DNAH14: variants seen among roughly 807,000 people sequenced by gnomAD.
DNAH14 encodes dynein axonemal heavy chain 14.
Under a neutral mutation model 520.9 loss-of-function variants are expected in DNAH14, and 478 were observed. That is an observed-to-expected ratio of 0.92 (90% CI 0.85 to 0.99). The LOEUF (loss-of-function observed/expected upper bound fraction) is 0.99. Among genes scored for constraint, DNAH14 ranks in the 50% least tolerant of loss-of-function variants. DNAH14 has a pLI of 0.00. For synonymous variants in DNAH14, 1,581 were observed against 1,757.2 expected, an observed-to-expected ratio of 0.90 and a Z score of 2.51; for missense variants, 4,831 against 5,234.5, an observed-to-expected ratio of 0.92 and a Z score of 2.38.
At position 225,140,918 on chromosome 1, in the gene DNAH14, G is replaced by A. The variant is rs1313514665; in HGVS notation, c.4405G>A (p.Ala1469Thr). The change falls in exon 28 of 86, where the codon GCT (alanine) becomes ACT (threonine). Residue 1469 changes from alanine (A) to threonine (T), a missense_variant. Transcript: ENST00000682510. ...GGATACTAGTAACTCTCGAACAAAA[G>A]CTATACTAGGGGCATTGCTTATCCT... ...VLDTSNSRTK[A>T]ILGALLILYV... 2 of 1,551,256 alleles carry A rather than the reference G, an allele frequency of 1.3e-6. No homozygotes were observed. The highest frequency in any genetic ancestry group is 1.7e-6 in the Non-Finnish European group (2 of 1,146,910).
intron 10 of DNAH14, among the ~76,000 whole-genome samples, chr1:225,010,627 A>C (rs2064640311): frequency 6.6e-6 from 1 of 151,856 alleles, no homozygotes; most frequent in African/African-American, 2.4e-5. Context: ...GTTAGGGAGG[A>C]GTCTCTCCTT....
chr1:225,049,045 C>CTTTTTTTTT (rs1196968494), intron 15 of DNAH14, among the ~76,000 whole-genome samples: 1 of 87,118 alleles, frequency 1.1e-5, no homozygotes. Flanking sequence ...GATCTCTTGC[C>CTTTTTTTTT]TATTTTTTTT....
At chr1:225,140,727 A>T in intron 27 of DNAH14, 41 bp from the exon 28 acceptor site, 1 of 1,315,220 alleles carries the variant, frequency 7.6e-7, no homozygotes, top group Middle Eastern at 2.7e-4. Context: ...TTATATATAT[A>T]TAGAGAGAGA....
chr1:225,200,338 T>A (rs1416990680), intron 38 of DNAH14, among the ~76,000 whole-genome samples: 1 of 152,192 alleles, frequency 6.6e-6, no homozygotes, highest in Non-Finnish European at 1.5e-5. Context: ...AATGTTAGTA[T>A]TGAGTTATGA....
intron 64 of DNAH14, among the ~76,000 whole-genome samples, chr1:225,325,849 C>G (rs1226833625): frequency 6.6e-6 from 1 of 152,054 alleles, no homozygotes; most frequent in Non-Finnish European, 1.5e-5. Flanking sequence ...TAGCTGGCAA[C>G]TCTGGGCTAG....
chr1:225,148,599 AC>A (rs2080181557), intron 31 of DNAH14, among the ~76,000 whole-genome samples: 2 of 151,766 alleles, frequency 1.3e-5, no homozygotes, highest in Non-Finnish European at 2.9e-5. Flanking sequence ...ATGGGGTTTC[AC>A]CATGTTGGTC....
In DNAH14 at chr1:225,078,868, CT is replaced by C. The variant is rs1558884392; in HGVS notation, c.2425-338del. On this transcript the variant is annotated intron_variant, in intron 17 of 85. Coordinates refer to ENST00000682510, the MANE Select transcript of DNAH14 (RefSeq NM_001367479.1). ...CCTCTCTCTCTCTCTCCCTCTCTCT[CT>C]CTCTCTCTCTCTCTCTCTCTCTCTC... Among the ~76,000 whole-genome samples the C allele has an allele frequency of 9.5e-3, 565 of 59,312 alleles. 60 individuals carry two copies. The highest frequency in any genetic ancestry group is 0.014 in the Non-Finnish European group (445 of 32,020). 38.9% of individuals were successfully genotyped at this position (59,312 alleles called of 152,430 possible).
chr1:225,050,423 A>G, intron 16 of DNAH14, 47 bp downstream of exon 16: 1 of 1,479,882 alleles, frequency 6.8e-7, no homozygotes, highest in Non-Finnish European at 9.0e-7. Context: ...AGGAGCAGAA[A>G]CCCACTGAAT....
chr1:225,156,593 G>C (rs1182650534), intron 34 of DNAH14, among the ~76,000 whole-genome samples: 1 of 151,802 alleles, frequency 6.6e-6, no homozygotes, highest in African/African-American at 2.4e-5. Context: ...CTCAAAGGTA[G>C]ACACACTGTC....
At chr1:225,391,886 G>A (rs1453786292) in intron 83 of DNAH14, among the ~76,000 whole-genome samples, 1 of 152,126 alleles carries the variant, frequency 6.6e-6, no homozygotes, top group Non-Finnish European at 1.5e-5. Flanking sequence ...GTGTCCATAT[G>A]TCATTTCTTG....
At chr1:225,019,393 C>G (rs2065475073) in intron 10 of DNAH14, among the ~76,000 whole-genome samples, 1 of 152,082 alleles carries the variant, frequency 6.6e-6, no homozygotes, top group Admixed American at 6.5e-5. Context: ...ATATGCACAC[C>G]CAATATTGGA....
chr1:225,154,362 T>G (rs1025409226), intron 34 of DNAH14, among the ~76,000 whole-genome samples: 3 of 152,114 alleles, frequency 2.0e-5, no homozygotes, highest in Non-Finnish European at 4.4e-5. Flanking sequence ...TGCTTATTTT[T>G]GGGCAAGCTG....
At chr1:225,258,259 C>A in intron 45 of DNAH14, 141 bp downstream of exon 45, 1 of 831,268 alleles carries the variant, frequency 1.2e-6, no homozygotes, top group Non-Finnish European at 1.7e-6. Flanking sequence ...ATTTTCTTAC[C>A]AGCAGTTTAT....
chr1:225,196,118 C>T (rs1573909186), intron 38 of DNAH14, among the ~76,000 whole-genome samples: 1 of 152,126 alleles, frequency 6.6e-6, no homozygotes, highest in East Asian at 1.9e-4. Flanking sequence ...GAACCCATCA[C>T]CTGAGCAGTA....
At chr1:225,051,900 G>A (rs942342002) in intron 17 of DNAH14, 105 bp downstream of exon 17, 3 of 795,910 alleles carry the variant, frequency 3.8e-6, no homozygotes, top group Admixed American at 3.6e-5. Flanking sequence ...CACATGCAGA[G>A]TATGATAAAG....
chr1:224,973,574 G>A (rs967903689), intron 7 of DNAH14, among the ~76,000 whole-genome samples: 8 of 151,996 alleles, frequency 5.3e-5, no homozygotes, highest in Non-Finnish European at 1.5e-5. Flanking sequence ...TAATAACCAG[G>A]GAAACTTTCC....
At chr1:225,138,711 A>G (rs1480326088) in intron 27 of DNAH14, among the ~76,000 whole-genome samples, 1 of 152,144 alleles carries the variant, frequency 6.6e-6, no homozygotes, top group East Asian at 1.9e-4. Flanking sequence ...GTGGGGTTGC[A>G]CAGTCACTCA....
rs763658357 is a variant in DNAH14, at chr1:225,367,940, CTA to C, written c.12228_12229del (p.Cys4077PhefsTer8). 9.7e-6 allele frequency: 15 copies of C among 1,551,400 alleles called. No individual in the cohort carries two copies. The African/African-American group carries it at 2.1e-4, about 21-fold the overall frequency. On this transcript the variant is annotated frameshift_variant, in exon 77 of 86. Transcript: ENST00000682510. LOFTEE classifies it high-confidence loss of function. The part of the protein sequence containing the change: ...GQWWKKLLFS[L>X]CFFNAVINER... ...ATGGTGGAAAAAACTTTTATTTAGCCTATGTTTTTTCAATGCTGTAATCAATG... is the reference window on the plus strand; with the variant it reads ...ATGGTGGAAAAAACTTTTATTTAGCCTGTTTTTTCAATGCTGTAATCAATG...
At chr1:225,088,913 A>G (rs1487989369) in intron 21 of DNAH14, among the ~76,000 whole-genome samples, 1 of 152,240 alleles carries the variant, frequency 6.6e-6, no homozygotes, top group Non-Finnish European at 1.5e-5. Flanking sequence ...TGGAATAACC[A>G]TTATATGTAC....
Sources: gnomAD v4.1 joint callset for allele counts (sites outside exome capture counted in the v4.1 genomes callset) on GRCh38, gnomAD v4.1.1 for gene constraint, MANE v1.5 for transcripts, NCBI Gene and HGNC (gene_info 2026-07-23, HGNC 2026-07-21) for gene names.